The following MAGI2 variants were observed in gnomAD, a reference collection of about 807,000 sequenced individuals.
The protein encoded by MAGI2 is membrane associated guanylate kinase, WW and PDZ domain containing 2.
In MAGI2, 35 loss-of-function variants were observed where a neutral mutation model predicts 133.3. The ratio of observed to expected loss-of-function variants is 0.26; its 90% CI spans 0.20 to 0.35. The LOEUF is 0.35. MAGI2 is among the 10% of genes least tolerant of loss of function. The pLI is 1.00. For missense variants in MAGI2, 1,636 were observed against 1,863.4 expected (o/e 0.88, Z 2.25); for synonymous variants, 729 against 710.6 (o/e 1.03, Z -0.41).
At chr7:79,374,514 C>T (rs969777830) in intron 1 of MAGI2, among the ~76,000 whole-genome samples, 6 of 151,936 alleles carry the variant, frequency 3.9e-5, no homozygotes, top group African/African-American at 1.2e-4. Context: ...GTCTCCAGAG[C>T]TGTGAGAAAA....
rs562046127 is a variant in MAGI2 at position 78,946,696 on chromosome 7, T to A, written c.418+60394A>T. ...TTTATTTCCTGAAAAATGGAACCAATAAGAGGCTTGTTTCAAAATTCCACA... is the reference window on the plus strand; with the variant it reads ...TTTATTTCCTGAAAAATGGAACCAAAAAGAGGCTTGTTTCAAAATTCCACA... On this transcript the variant is annotated intron_variant, in intron 2 of 21. Coordinates refer to ENST00000354212, the MANE Select transcript of MAGI2 (RefSeq NM_012301.4). 6 of 152,308 alleles carry A rather than the reference T, an allele frequency of 3.9e-5. No individual in the cohort carries two copies. The South Asian group carries it at 1.2e-3, about 32-fold the overall frequency. 9.4% of individuals were successfully genotyped at this position (152,308 alleles called of 1,614,324 possible). A position where few individuals can be genotyped will look rare whatever the true frequency, so the allele number is the denominator to read the frequency against.
chr7:79,149,784 T>C (rs1225348443), intron 1 of MAGI2, among the ~76,000 whole-genome samples: 1 of 152,148 alleles, frequency 6.6e-6, no homozygotes, highest in East Asian at 1.9e-4. Flanking sequence ...AGGTTTCTTT[T>C]AAAAATAAAT....
At chr7:78,627,092 A>G (rs368814316) in intron 3 of MAGI2, 28 bp downstream of exon 3, 65 of 1,550,482 alleles carry the variant, frequency 4.2e-5, no homozygotes, top group Admixed American at 1.8e-4. Flanking sequence ...TGCCAACAAG[A>G]AAGATTTCTC....
At chr7:78,768,963 A>C (rs1394544806) in intron 2 of MAGI2, among the ~76,000 whole-genome samples, 1 of 152,154 alleles carries the variant, frequency 6.6e-6, no homozygotes, top group Non-Finnish European at 1.5e-5. Flanking sequence ...TCAGTCCCTC[A>C]AACCAGAGCT....
chr7:79,152,090 G>A (rs968383917), intron 1 of MAGI2, among the ~76,000 whole-genome samples: 7 of 152,064 alleles, frequency 4.6e-5, no homozygotes, highest in African/African-American at 1.4e-4. Flanking sequence ...AATAATGTGT[G>A]GTTTATCATT....
At chr7:78,928,623 C>T (rs1307518124) in intron 2 of MAGI2, among the ~76,000 whole-genome samples, 1 of 152,022 alleles carries the variant, frequency 6.6e-6, no homozygotes, top group Non-Finnish European at 1.5e-5. Flanking sequence ...AAGCAAGGTG[C>T]TTAGGTAGGC....
chr7:78,667,350 G>GTT (rs34698367), intron 2 of MAGI2, among the ~76,000 whole-genome samples: 9,250 of 139,296 alleles, frequency 0.066, 396 homozygotes, highest in East Asian at 0.12. Flanking sequence ...AACCAATTGG[G>GTT]TTTTTTTTTT....
At chr7:78,945,004 G>C (rs1480870910) in intron 2 of MAGI2, among the ~76,000 whole-genome samples, 1 of 151,982 alleles carries the variant, frequency 6.6e-6, no homozygotes, top group African/African-American at 2.4e-5. Flanking sequence ...TTCCCAAAGT[G>C]CTGGATTTAC....
intron 7 of MAGI2, among the ~76,000 whole-genome samples, chr7:78,361,726 G>C (rs1424479014): frequency 6.6e-6 from 1 of 152,126 alleles, no homozygotes; most frequent in East Asian, 1.9e-4. Flanking sequence ...GTTAAGTAAG[G>C]TTGTTGATAA....
At chr7:78,504,714 G>A (rs1794935073) in intron 4 of MAGI2, among the ~76,000 whole-genome samples, 1 of 152,054 alleles carries the variant, frequency 6.6e-6, no homozygotes, top group Admixed American at 6.6e-5. Context: ...ATATAATGAT[G>A]CCTATATAAT....
chr7:78,605,896 G>C (rs765255084), intron 3 of MAGI2, among the ~76,000 whole-genome samples: 3 of 152,050 alleles, frequency 2.0e-5, no homozygotes, highest in Non-Finnish European at 4.4e-5. Context: ...GATTAGATTC[G>C]GACACTAGAG....
chr7:79,420,455 C>A (rs1846874834), intron 1 of MAGI2, among the ~76,000 whole-genome samples: 1 of 151,920 alleles, frequency 6.6e-6, no homozygotes. Context: ...CATACTAATT[C>A]TTAAGTGTAT....
At chr7:78,034,122 G>A (rs1343293066) in intron 21 of MAGI2, among the ~76,000 whole-genome samples, 1 of 152,196 alleles carries the variant, frequency 6.6e-6, no homozygotes, top group African/African-American at 2.4e-5. Context: ...TACTAATTTT[G>A]TGGCTAATGA....
At chr7:79,035,507 C>T (rs1811047052) in intron 1 of MAGI2, among the ~76,000 whole-genome samples, 1 of 152,112 alleles carries the variant, frequency 6.6e-6, no homozygotes, top group African/African-American at 2.4e-5. Flanking sequence ...AAAAAACCCT[C>T]ATAAGTCACC....
chr7:78,817,558 T>A (rs983468266), intron 2 of MAGI2, among the ~76,000 whole-genome samples: 1 of 152,168 alleles, frequency 6.6e-6, no homozygotes, highest in Non-Finnish European at 1.5e-5. Context: ...TTAGCAGCCA[T>A]CCACACTGAG....
chr7:78,710,985 T>C (rs1230913011), intron 2 of MAGI2, among the ~76,000 whole-genome samples: 1 of 152,166 alleles, frequency 6.6e-6, no homozygotes, highest in African/African-American at 2.4e-5. Flanking sequence ...ATATAATTAA[T>C]CTGGCAATTG....
chr7:79,241,848 T>C (rs1156443351), intron 1 of MAGI2, among the ~76,000 whole-genome samples: 6 of 152,152 alleles, frequency 3.9e-5, no homozygotes, highest in Admixed American at 3.3e-4. Flanking sequence ...CCACCTGGAT[T>C]TGTGCCTCAT....
intron 1 of MAGI2, among the ~76,000 whole-genome samples, chr7:79,195,006 A>G (rs1309743109): frequency 6.6e-6 from 1 of 152,036 alleles, no homozygotes; most frequent in Non-Finnish European, 1.5e-5. Context: ...GGCAATAAGT[A>G]ATATTGAGTC....
chr7:78,114,620 G>C (rs544245167), intron 20 of MAGI2, among the ~76,000 whole-genome samples: 1 of 152,322 alleles, frequency 6.6e-6, no homozygotes, highest in South Asian at 2.1e-4. Context: ...AGATAAAATG[G>C]GATTCTGCAG....
Sources: gnomAD v4.1 joint callset for allele counts (sites outside exome capture counted in the v4.1 genomes callset) on GRCh38, gnomAD v4.1.1 for gene constraint, MANE v1.5 for transcripts, NCBI Gene and HGNC (gene_info 2026-07-23, HGNC 2026-07-21) for gene names.